CFAP20DC: variants seen among roughly 807,000 people sequenced by gnomAD.
CFAP20DC encodes the protein protein CFAP20DC.
CFAP20DC carries 84 observed loss-of-function variants against 101.7 expected under a neutral mutation model. The ratio of observed to expected loss-of-function variants is 0.83; its 90% CI spans 0.69 to 0.99. The LOEUF (loss-of-function observed/expected upper bound fraction) is 0.99. CFAP20DC is among the 50% of genes least tolerant of loss of function. The pLI is 0.00. For synonymous variants in CFAP20DC, 359 were observed against 351.2 expected (o/e 1.02, Z -0.25); for missense variants, 1,007 against 970.3 (o/e 1.04, Z -0.50).
At chr3:58,872,569 G>C (rs1199237365) in intron 7 of CFAP20DC, among the ~76,000 whole-genome samples, 1 of 152,094 alleles carries the variant, frequency 6.6e-6, no homozygotes, top group East Asian at 1.9e-4. Flanking sequence ...AATTTTTGCT[G>C]AACAGGAGAC....
At chr3:58,936,856 T>C (rs1245412353) in intron 5 of CFAP20DC, among the ~76,000 whole-genome samples, 6 of 151,724 alleles carry the variant, frequency 4.0e-5, no homozygotes, top group Non-Finnish European at 8.8e-5. Context: ...CACACCAGCA[T>C]GGCACATGTA....
chr3:58,759,054 G>T (rs1285038875), intron 15 of CFAP20DC, among the ~76,000 whole-genome samples: 1 of 152,218 alleles, frequency 6.6e-6, no homozygotes, highest in Non-Finnish European at 1.5e-5. Flanking sequence ...TATATACCCA[G>T]TAATGGGATG....
At chr3:58,770,283 A>G (rs1395631258) in intron 15 of CFAP20DC, among the ~76,000 whole-genome samples, 2 of 152,208 alleles carry the variant, frequency 1.3e-5, no homozygotes, top group Non-Finnish European at 2.9e-5. Context: ...GACTGTTATC[A>G]TCATAGTTGC....
rs985066306 is a variant in CFAP20DC at position 59,039,080 on chromosome 3, TA to T, written c.278+476del. ...AAAGGTTGTATATTTTCATTTTTGC[TA>T]AACAATCTCCATTTAAAACAAATAT... On this transcript the variant is annotated intron_variant, in intron 4 of 16. Transcript: ENST00000482387. Among the ~76,000 whole-genome samples, 38 of 152,222 alleles carry T rather than the reference TA, an allele frequency of 2.5e-4. No homozygotes were observed. The Middle Eastern group carries it at 0.01, about 41-fold the overall frequency.
intron 4 of CFAP20DC, among the ~76,000 whole-genome samples, chr3:59,012,203 C>T (rs957477813): frequency 8.6e-5 from 13 of 152,006 alleles, no homozygotes; most frequent in Non-Finnish European, 1.2e-4. Context: ...AGTCACGGAA[C>T]GCCTTAAAGA....
chr3:58,947,415 G>A (rs1380676752), intron 4 of CFAP20DC, among the ~76,000 whole-genome samples: 4 of 152,096 alleles, frequency 2.6e-5, no homozygotes, highest in Non-Finnish European at 4.4e-5. Flanking sequence ...ATCGCTCCCC[G>A]AAAAATGCCA....
At chr3:58,937,201 A>G (rs2087813739) in intron 5 of CFAP20DC, among the ~76,000 whole-genome samples, 1 of 152,204 alleles carries the variant, frequency 6.6e-6, no homozygotes, top group African/African-American at 2.4e-5. Context: ...CAACAAGATT[A>G]ATTGTTCACT....
At chr3:58,959,659 T>G (rs893220192) in intron 4 of CFAP20DC, among the ~76,000 whole-genome samples, 1 of 152,322 alleles carries the variant, frequency 6.6e-6, no homozygotes, top group South Asian at 2.1e-4. Context: ...CTAACTTGAT[T>G]ACTGTAGCTT....
intron 12 of CFAP20DC, among the ~76,000 whole-genome samples, chr3:58,854,486 T>C (rs568910967): frequency 0.062 from 9,416 of 151,988 alleles, 529 homozygotes; most frequent in African/African-American, 0.16. Context: ...AAAAAACTAC[T>C]TTAAAGTTCA....
chr3:58,772,628 G>C (rs1412100902), intron 15 of CFAP20DC, among the ~76,000 whole-genome samples: 1 of 152,068 alleles, frequency 6.6e-6, no homozygotes. Flanking sequence ...TGCAAATGAA[G>C]ATGTTTATTA....
rs1349887551 is a variant in CFAP20DC at position 58,729,607 on chromosome 3, GTCTT to G, written c.198-11983_198-11980del. On this transcript the variant is annotated intron_variant, in intron 3 of 3. Coordinates refer to the CFAP20DC transcript ENST00000486145. This position sits in a 1 kb window ranked among gnomAD's most constrained non-coding sequence, Gnocchi z 4.4. ...CATCTGCAAATAATGACAGTGTTGT[GTCTT>G]TCTAATTCATATGGCTTTTATTTTT... Among the ~76,000 whole-genome samples, 1 of 152,118 alleles carries G rather than the reference GTCTT, an allele frequency of 6.6e-6. No individual in the cohort carries two copies. The highest frequency in any genetic ancestry group is 2.4e-5 in the African/African-American group (1 of 41,420).
At chr3:58,816,181 TA>T (rs1253686499) in intron 14 of CFAP20DC, among the ~76,000 whole-genome samples, 1 of 151,888 alleles carries the variant, frequency 6.6e-6, no homozygotes, top group Non-Finnish European at 1.5e-5. Flanking sequence ...TATGCAGCCA[TA>T]AAAAATGATG....
chr3:58,953,873 A>C (rs1215652867), intron 4 of CFAP20DC: 1 of 152,182 alleles, frequency 6.6e-6, no homozygotes, highest in Non-Finnish European at 1.5e-5. Context: ...TCTTGTACTT[A>C]AGGATTCATT....
At position 58,827,468 on chromosome 3, in the gene CFAP20DC, C is replaced by T. The variant is rs115936049; in HGVS notation, c.2175+4218G>A. Among the ~76,000 whole-genome samples, 293 of 151,962 alleles carry T rather than the reference C, an allele frequency of 1.9e-3. 2 individuals are homozygous for T. Among genetic ancestry groups the T allele is most frequent in the African/African-American group, 6.9e-3 (286 of 41,450 alleles). ...CAAGCAAAACTCATTTCAAGTGCTA[C>T]GCAAGCTGACAGAGAAACGAAGGCA... is the stretch of plus-strand genomic sequence containing the variant. On this transcript the variant is annotated intron_variant, in intron 14 of 16. Coordinates refer to ENST00000482387, the MANE Select transcript of CFAP20DC (RefSeq NM_001394063.1).
In CFAP20DC at chr3:58,728,661, G is replaced by A. The variant is rs1207183045; in HGVS notation, c.198-11033C>T. Among the ~76,000 whole-genome samples the A allele has an allele frequency of 6.6e-6, 1 of 152,172 alleles. No homozygotes were observed. The highest frequency in any genetic ancestry group is 2.4e-5 in the African/African-American group (1 of 41,442). On this transcript the variant is annotated intron_variant, in intron 3 of 3. Transcript: ENST00000486145. This position sits in a 1 kb window ranked among gnomAD's most constrained non-coding sequence, Gnocchi z 4.7. ...GAGTTCCATTCATTTTAGGCTGATTGTGGAGGAAATCATATGCCAGAGCTT... is the reference window on the plus strand; with the variant it reads ...GAGTTCCATTCATTTTAGGCTGATTATGGAGGAAATCATATGCCAGAGCTT...
chr3:58,835,033 C>T (rs527413778), intron 13 of CFAP20DC, among the ~76,000 whole-genome samples: 1 of 152,228 alleles, frequency 6.6e-6, no homozygotes, highest in Admixed American at 6.5e-5. Context: ...TAAGAGACTG[C>T]TGAGTTGGCA....
chr3:58,760,255 T>C (rs1559551700), intron 15 of CFAP20DC, among the ~76,000 whole-genome samples: 1 of 152,228 alleles, frequency 6.6e-6, no homozygotes, highest in Non-Finnish European at 1.5e-5. Flanking sequence ...TTCACATCCC[T>C]TGTAAGTTGG....
chr3:59,018,989 A>G (rs2108962132), intron 4 of CFAP20DC: 1 of 152,238 alleles, frequency 6.6e-6, no homozygotes, highest in East Asian at 1.9e-4. Context: ...ATGTGGCAAA[A>G]TGTTAATAAT....
In CFAP20DC at chr3:58,869,509, G is replaced by A; in HGVS notation, c.853-19C>T. Reference sequence around the variant, plus strand: ...TCACTGTCTGTAAAGGAATTAATCTGTACATTTTAAAATATAGCAACTACA... The same window carrying A: ...TCACTGTCTGTAAAGGAATTAATCTATACATTTTAAAATATAGCAACTACA... On this transcript the variant is annotated intron_variant, in intron 8 of 16. Transcript: ENST00000482387. This position sits in a 1 kb window ranked among gnomAD's most constrained non-coding sequence, Gnocchi z 4.3. 2 of 1,546,156 alleles carry A rather than the reference G, an allele frequency of 1.3e-6. No homozygotes were observed. Among genetic ancestry groups the A allele is most frequent in the Non-Finnish European group, 1.7e-6 (2 of 1,145,958 alleles).
Sources: allele counts gnomAD v4.1 joint callset (sites outside exome capture counted in the v4.1 genomes callset), GRCh38; gene constraint gnomAD v4.1.1; non-coding constraint Gnocchi (gnomAD v3.1); transcripts MANE v1.5; gene names NCBI Gene and HGNC (gene_info 2026-07-23, HGNC 2026-07-21).